RBFOX1: variants seen among roughly 807,000 people sequenced by gnomAD.
RBFOX1 encodes RNA binding fox-1 homolog 1, also known as RNA binding protein fox-1 homolog 1.
RBFOX1 carries 8 observed loss-of-function variants against 57.7 expected under a neutral mutation model. That is an observed-to-expected ratio of 0.14 (90% CI 0.08 to 0.25). The LOEUF (loss-of-function observed/expected upper bound fraction) is 0.25. Ranked by LOEUF, RBFOX1 falls within the 10% of genes least tolerant of loss-of-function variation. RBFOX1 has a pLI of 1.00. For missense variants in RBFOX1, 611 were observed against 548.5 expected, an observed-to-expected ratio of 1.11 and a Z score of -1.14; for synonymous variants, 326 against 222.4, an observed-to-expected ratio of 1.47 and a Z score of -4.15.
chr16:5,852,452 GC>G (rs1412734215), intron 3 of RBFOX1, among the ~76,000 whole-genome samples: 2 of 152,218 alleles, frequency 1.3e-5, no homozygotes, highest in African/African-American at 4.8e-5. Context: ...CAGGGAGCTT[GC>G]ACACCCTGAA....
chr16:7,445,825 C>G (rs551890881), intron 4 of RBFOX1, among the ~76,000 whole-genome samples: 2 of 152,224 alleles, frequency 1.3e-5, no homozygotes, highest in East Asian at 1.9e-4. Context: ...ATTTATAGAA[C>G]CTTTATCTCA....
intron 2 of RBFOX1, among the ~76,000 whole-genome samples, chr16:6,420,326 GGT>G (rs771358353): frequency 2.4e-4 from 35 of 148,610 alleles, no homozygotes; most frequent in Non-Finnish European, 4.8e-4. Context: ...GCCTCCAGGT[GGT>G]TAGAGTGTGG....
At chr16:7,043,973 A>G (rs2047037151) in intron 3 of RBFOX1, among the ~76,000 whole-genome samples, 1 of 152,200 alleles carries the variant, frequency 6.6e-6, no homozygotes, top group African/African-American at 2.4e-5. Context: ...ATTCTCCAAG[A>G]CAAGTTGGGC....
At chr16:5,304,523 G>A (rs1056151654) in intron 1 of RBFOX1, among the ~76,000 whole-genome samples, 4 of 152,166 alleles carry the variant, frequency 2.6e-5, no homozygotes, top group African/African-American at 4.8e-5. Context: ...ATCTCAGTGC[G>A]GCAGAAAGCC....
At chr16:7,185,586 C>A (rs1434237163) in intron 4 of RBFOX1, among the ~76,000 whole-genome samples, 1 of 152,158 alleles carries the variant, frequency 6.6e-6, no homozygotes, top group African/African-American at 2.4e-5. Flanking sequence ...AGAAACCCTG[C>A]CACTTTTATT....
At chr16:5,520,946 A>G (rs1343750874) in intron 2 of RBFOX1, among the ~76,000 whole-genome samples, 1 of 152,218 alleles carries the variant, frequency 6.6e-6, no homozygotes, top group African/African-American at 2.4e-5. Context: ...GAGGAGAGCC[A>G]CAGCCAACTG....
chr16:6,923,112 T>C (rs905984382), intron 3 of RBFOX1, among the ~76,000 whole-genome samples: 1 of 152,180 alleles, frequency 6.6e-6, no homozygotes, highest in East Asian at 1.9e-4. Context: ...AAGTGATTTG[T>C]AGAATTCCAA....
At chr16:6,960,608 C>T (rs978216163) in intron 3 of RBFOX1, among the ~76,000 whole-genome samples, 16 of 152,078 alleles carry the variant, frequency 1.1e-4, no homozygotes, top group Admixed American at 5.9e-4. Flanking sequence ...AGGAGGCCCC[C>T]GCCTGCCTTT....
intron 2 of RBFOX1, among the ~76,000 whole-genome samples, chr16:6,399,502 C>A (rs2092980701): frequency 6.6e-6 from 1 of 152,138 alleles, no homozygotes; most frequent in African/African-American, 2.4e-5. Flanking sequence ...TTCCTCATCT[C>A]CATCTGAGAC....
rs578133409 is a variant in RBFOX1 at position 7,266,001 on chromosome 16, G to C, written c.27+213903G>C. Among the ~76,000 whole-genome samples, 6 of 127,104 alleles carry C rather than the reference G, an allele frequency of 4.7e-5. No homozygotes were observed. The East Asian group carries it at 1.4e-3, about 30-fold the overall frequency. 83.4% of individuals were successfully genotyped at this position (127,104 alleles called of 152,430 possible). On this transcript the variant is annotated intron_variant, in intron 4 of 15. Coordinates refer to ENST00000550418, the MANE Select transcript of RBFOX1 (RefSeq NM_018723.4). ...TTTTTTTTTTTTTTTCTGAGAGGGA[G>C]TCTTGCTGTGTTGCCCAGGCTGGAG...
At chr16:5,994,881 T>C (rs1263066765) in intron 4 of RBFOX1, among the ~76,000 whole-genome samples, 1 of 152,198 alleles carries the variant, frequency 6.6e-6, no homozygotes, top group East Asian at 1.9e-4. Flanking sequence ...AATTGAGTGA[T>C]GAGTTTCCAC....
chr16:7,217,014 TCCCTCCCTCCCTCCCTCCCTC>T (rs1567748336), intron 4 of RBFOX1, among the ~76,000 whole-genome samples: 14 of 11,676 alleles, frequency 1.2e-3, no homozygotes, highest in African/African-American at 3.6e-3. Context: ...CTCCCTTCCC[TCCCTCCCTCCCTCCCTCCCTC>T]CCTCCCTCCC....
intron 1 of RBFOX1, among the ~76,000 whole-genome samples, chr16:6,048,765 T>C (rs7197006): frequency 0.055 from 8,366 of 152,256 alleles, 761 homozygotes; most frequent in African/African-American, 0.18. Flanking sequence ...AAGAGGTAGG[T>C]ATGGTTTTCG....
chr16:6,977,854 A>G (rs572164383), intron 3 of RBFOX1, among the ~76,000 whole-genome samples: 2 of 150,632 alleles, frequency 1.3e-5, no homozygotes, highest in East Asian at 2.0e-4. Context: ...CTGCTTCCCA[A>G]TCTGGTCTGA....
Position 6,089,735 on chromosome 16 carries a change from G to A in RBFOX1, c.-127+69743G>A, listed in dbSNP as rs568998538. ...GCACAAACGGGTAAGTCACTGGAAA[G>A]GTAGGTGAAAGATTGGCCAATATTA... On this transcript the variant is annotated intron_variant, in intron 1 of 15. Coordinates refer to ENST00000550418, the MANE Select transcript of RBFOX1 (RefSeq NM_018723.4). Among the ~76,000 whole-genome samples, 4 of 152,262 alleles carry A rather than the reference G, an allele frequency of 2.6e-5. No individual in the cohort carries two copies. The South Asian group carries it at 8.3e-4, about 32-fold the overall frequency.
At chr16:6,851,594 G>C (rs923804764) in intron 3 of RBFOX1, among the ~76,000 whole-genome samples, 4 of 152,090 alleles carry the variant, frequency 2.6e-5, no homozygotes, top group Non-Finnish European at 5.9e-5. Flanking sequence ...TCCCCTAAGA[G>C]ATCTTGTCTT....
chr16:6,959,859 C>T (rs1433116108), intron 3 of RBFOX1, among the ~76,000 whole-genome samples: 1 of 152,110 alleles, frequency 6.6e-6, no homozygotes, highest in Non-Finnish European at 1.5e-5. Context: ...ATCGCTTGAA[C>T]CTAGGAGGCG....
In RBFOX1 at chr16:6,729,267, G is replaced by C. The variant is rs575902167; in HGVS notation, c.-16+74617G>C. Among the ~76,000 whole-genome samples, 10 of 152,270 alleles carry C rather than the reference G, an allele frequency of 6.6e-5. No individual in the cohort carries two copies. In the South Asian group the frequency reaches 2.1e-3, roughly 32 times the overall value. On this transcript the variant is annotated intron_variant, in intron 3 of 15. Transcript: ENST00000550418. ...AGGGATTCTGATTTAATTTACTTGA[G>C]ATTGGGACCTGACGATCAAGATTTG...
chr16:7,510,387 G>A (rs2074706797), intron 4 of RBFOX1: 3 of 959,434 alleles, frequency 3.1e-6, no homozygotes, highest in Non-Finnish European at 3.7e-6. Flanking sequence ...CTTTTCTTGT[G>A]TTAAGTCCGT....
Sources: allele counts gnomAD v4.1 joint callset (sites outside exome capture counted in the v4.1 genomes callset), GRCh38; gene constraint gnomAD v4.1.1; transcripts MANE v1.5; gene names NCBI Gene and HGNC (gene_info 2026-07-23, HGNC 2026-07-21).